The following BAALC variants were observed in gnomAD, a reference collection of about 807,000 sequenced individuals.
The protein encoded by BAALC is BAALC binder of MAP3K1 and KLF4.
Under a neutral mutation model 15.5 loss-of-function variants are expected in BAALC, and 9 were observed. That is an observed-to-expected ratio of 0.58 (90% CI 0.35 to 1.02). The LOEUF is 1.02. BAALC is among the 50% of genes least tolerant of loss of function. The pLI, the probability that BAALC is intolerant of heterozygous loss-of-function variation, is 0.02. For missense variants in BAALC, 201 were observed against 192.4 expected (o/e 1.04, Z -0.27); for synonymous variants, 80 against 74.6 (o/e 1.07, Z -0.37).
intron 2 of BAALC, among the ~76,000 whole-genome samples, chr8:103,215,798 A>C (rs1192052006): frequency 6.6e-6 from 1 of 152,238 alleles, no homozygotes; most frequent in Non-Finnish European, 1.5e-5. Context: ...GAGAGAGAGC[A>C]AAGAATTAGG....
chr8:103,201,535 C>T (rs151098757), intron 1 of BAALC, among the ~76,000 whole-genome samples: 1 of 152,350 alleles, frequency 6.6e-6, no homozygotes, highest in Non-Finnish European at 1.5e-5. Flanking sequence ...ATGTTCTCCA[C>T]TTTGCCTTGT....
intron 1 of BAALC, among the ~76,000 whole-genome samples, chr8:103,194,055 C>T (rs1201747660): frequency 9.2e-5 from 14 of 152,158 alleles, no homozygotes; most frequent in Admixed American, 9.2e-4. Flanking sequence ...AAAAGCAAGT[C>T]GTTTTCTTTT....
At chr8:103,212,845 C>T in intron 1 of BAALC, 74 bp from the exon 2 acceptor site, 1 of 1,472,636 alleles carries the variant, frequency 6.8e-7, no homozygotes, top group Non-Finnish European at 9.1e-7. Context: ...ATCTGTTTCT[C>T]CACCATTTTG....
chr8:103,180,139 C>T (rs1055509880), intron 1 of BAALC, among the ~76,000 whole-genome samples: 1 of 152,110 alleles, frequency 6.6e-6, no homozygotes, highest in South Asian at 2.1e-4. Context: ...GATTTATAGC[C>T]AAGAGATCAG....
At chr8:103,141,453 G>A (rs1810775143) in intron 1 of BAALC, 1 of 188,710 alleles carries the variant, frequency 5.3e-6, no homozygotes, top group Admixed American at 6.2e-5. Flanking sequence ...CTGGCCACCT[G>A]CGTACCCAGC....
At chr8:103,173,175 C>A (rs1424300374) in intron 1 of BAALC, among the ~76,000 whole-genome samples, 1 of 152,166 alleles carries the variant, frequency 6.6e-6, no homozygotes, top group East Asian at 1.9e-4. Flanking sequence ...CCAGCTTTAG[C>A]CATCCACGGC....
chr8:103,183,491 G>T (rs914231334), intron 1 of BAALC: 10 of 702,336 alleles, frequency 1.4e-5, no homozygotes, highest in Non-Finnish European at 2.1e-5. Context: ...GGTATGGGGG[G>T]ACCAGATCTG....
At chr8:103,167,553 T>TA (rs1405380431) in intron 1 of BAALC, among the ~76,000 whole-genome samples, 1 of 152,202 alleles carries the variant, frequency 6.6e-6, no homozygotes, top group African/African-American at 2.4e-5. Flanking sequence ...TACAATTAAT[T>TA]ATTATTGTTG....
At chr8:103,192,298 C>T (rs184562353) in intron 1 of BAALC, among the ~76,000 whole-genome samples, 150 of 152,258 alleles carry the variant, frequency 9.9e-4, no homozygotes, top group African/African-American at 3.1e-3. Context: ...GTGACCCACC[C>T]GCCTCAGCCT....
chr8:103,173,710 C>T (rs1811547208), intron 1 of BAALC, among the ~76,000 whole-genome samples: 1 of 152,106 alleles, frequency 6.6e-6, no homozygotes, highest in Non-Finnish European at 1.5e-5. Flanking sequence ...CAGAGATTTC[C>T]AAACTTTATA....
At chr8:103,175,417 T>C (rs1811586218) in intron 1 of BAALC, among the ~76,000 whole-genome samples, 1 of 152,250 alleles carries the variant, frequency 6.6e-6, no homozygotes, top group African/African-American at 2.4e-5. Flanking sequence ...TTTATCATCA[T>C]TTCTGAATGA....
intron 1 of BAALC, among the ~76,000 whole-genome samples, chr8:103,204,572 A>G (rs538945771): frequency 6.6e-6 from 1 of 152,152 alleles, no homozygotes; most frequent in South Asian, 2.1e-4. Context: ...TAGATCTTTG[A>G]TCCTTTTGAC....
intron 1 of BAALC, among the ~76,000 whole-genome samples, chr8:103,158,026 C>T (rs531551780): frequency 1.4e-4 from 21 of 152,252 alleles, no homozygotes; most frequent in African/African-American, 5.1e-4. Context: ...CCAATGGTCT[C>T]ATAAATGTTT....
chr8:103,199,803 C>CCCT (rs770296433), intron 1 of BAALC, among the ~76,000 whole-genome samples: 152,223 of 152,244 alleles, frequency 1, 76,101 homozygotes, highest in Middle Eastern at 1. Context: ...GATTTTTCCT[C>CCCT]CCTCCCACCC....
chr8:103,217,420 G>T (rs1266230839), intron 2 of BAALC, among the ~76,000 whole-genome samples: 3 of 151,928 alleles, frequency 2.0e-5, no homozygotes, highest in Non-Finnish European at 4.4e-5. Context: ...TTTGCCCAAA[G>T]AAAATACTTT....
intron 1 of BAALC, among the ~76,000 whole-genome samples, chr8:103,151,758 T>A (rs1472830403): frequency 2.0e-5 from 3 of 149,790 alleles, no homozygotes; most frequent in African/African-American, 4.9e-5. Flanking sequence ...CCTCTGAATA[T>A]AAAAAAAAAA....
intron 1 of BAALC, among the ~76,000 whole-genome samples, chr8:103,178,862 CA>C (rs34211860): frequency 0.064 from 6,475 of 101,690 alleles, 421 homozygotes; most frequent in African/African-American, 0.22. Context: ...GACTCTGTCT[CA>C]AAAAAAAAAA....
intron 1 of BAALC, among the ~76,000 whole-genome samples, chr8:103,151,421 G>A (rs1053466251): frequency 5.9e-5 from 9 of 152,106 alleles, no homozygotes; most frequent in Admixed American, 2.6e-4. Context: ...GGGACTTATC[G>A]AAGAATTAAT....
rs565611964 is a variant in BAALC, at chr8:103,147,534, G to C, written c.160+6477G>C. 1.9e-3 allele frequency among the ~76,000 whole-genome samples: 289 copies of C among 152,168 alleles called. 2 individuals carry two copies. Among genetic ancestry groups the C allele is most frequent in the Middle Eastern group, 3.4e-3 (1 of 294 alleles). Reference sequence around the variant, plus strand: ...ACCTAGTCTTCTCTGAGTCAGAAAGGGGTCTTTTCCTGGCTCATTCTGCAC... The same window carrying C: ...ACCTAGTCTTCTCTGAGTCAGAAAGCGGTCTTTTCCTGGCTCATTCTGCAC... On this transcript the variant is annotated intron_variant, in intron 1 of 2. Coordinates refer to ENST00000309982, the MANE Select transcript of BAALC (RefSeq NM_024812.3).
Sources: gnomAD v4.1 joint callset for allele counts (sites outside exome capture counted in the v4.1 genomes callset) on GRCh38, gnomAD v4.1.1 for gene constraint, MANE v1.5 for transcripts, NCBI Gene and HGNC (gene_info 2026-07-23, HGNC 2026-07-21) for gene names.